The following AK5 variants were observed in gnomAD, a reference collection of about 807,000 sequenced individuals.
AK5 encodes the protein adenylate kinase 5.
A neutral mutation model predicts 69.5 loss-of-function variants in AK5; 27 were observed. The ratio of observed to expected loss-of-function variants is 0.39; its 90% CI spans 0.29 to 0.54. The LOEUF (loss-of-function observed/expected upper bound fraction) is 0.54, where lower values mean the gene tolerates loss of function less well. Ranked by LOEUF, AK5 falls within the 20% of genes least tolerant of loss-of-function variation. The pLI is 0.71. For synonymous variants in AK5, 260 were observed against 244.4 expected (o/e 1.06, Z -0.60); for missense variants, 531 against 700.4 (o/e 0.76, Z 2.73).
chr1:77,461,769 CAA>C (rs960152262), intron 8 of AK5, among the ~76,000 whole-genome samples: 49 of 83,816 alleles, frequency 5.8e-4, no homozygotes, highest in Admixed American at 6.5e-4. Context: ...GACTCTGTCT[CAA>C]AAAAAAAAAA....
At chr1:77,379,523 G>T (rs1049233971) in intron 6 of AK5, among the ~76,000 whole-genome samples, 1 of 152,160 alleles carries the variant, frequency 6.6e-6, no homozygotes, top group African/African-American at 2.4e-5. Flanking sequence ...AGTAACCCAG[G>T]TAACCTTCAT....
chr1:77,302,343 A>G (rs1659388913), intron 5 of AK5, among the ~76,000 whole-genome samples: 1 of 152,224 alleles, frequency 6.6e-6, no homozygotes, highest in African/African-American at 2.4e-5. Flanking sequence ...GCTAGTAACT[A>G]TATCATAAGT....
At chr1:77,320,908 G>A (rs779467805) in intron 5 of AK5, among the ~76,000 whole-genome samples, 2 of 152,164 alleles carry the variant, frequency 1.3e-5, no homozygotes, top group Admixed American at 1.3e-4. Context: ...TTATAAATGT[G>A]TATATACCTA....
chr1:77,287,716 G>A (rs575568481), intron 2 of AK5, among the ~76,000 whole-genome samples: 3 of 152,330 alleles, frequency 2.0e-5, no homozygotes, highest in South Asian at 4.2e-4. Context: ...CAGCCACGTG[G>A]TGGAAGAAGA....
Position 77,411,066 on chromosome 1 carries a change from C to G in AK5, c.977C>G (p.Ala326Gly). ...AAGTTATTTCCAAACAAAGAGGCTGCAGCAGGTAAGTCACTGTGTCCTTTA... is the reference window on the plus strand; with the variant it reads ...AAGTTATTTCCAAACAAAGAGGCTGGAGCAGGTAAGTCACTGTGTCCTTTA... The part of the protein sequence containing the change: ...DNKLFPNKEA[A>G]AGSSDLDPSM... Residue 326 changes from alanine (A) to glycine (G), a missense_variant, in exon 7 of 14, where the codon GCA (alanine) becomes GGA (glycine). By Grantham distance (60) the Ala-to-Gly change is moderately conservative. Transcript: ENST00000354567. 6.2e-7 allele frequency: 1 copy of G among 1,613,010 alleles called. No individual in the cohort carries two copies. The highest frequency in any genetic ancestry group is 8.5e-7 in the Non-Finnish European group (1 of 1,179,550).
chr1:77,479,667 T>G (rs2100715077), intron 8 of AK5, among the ~76,000 whole-genome samples: 1 of 152,292 alleles, frequency 6.6e-6, no homozygotes, highest in South Asian at 2.1e-4. Context: ...TCTCTCTCTT[T>G]GTCAGTTCAG....
At chr1:77,410,033 G>A (rs1006400546) in intron 6 of AK5, among the ~76,000 whole-genome samples, 7 of 151,902 alleles carry the variant, frequency 4.6e-5, no homozygotes, top group Non-Finnish European at 7.4e-5. Context: ...TCATAGTAAA[G>A]CTATTTTTAA....
chr1:77,321,258 G>A (rs1237040777), intron 5 of AK5, among the ~76,000 whole-genome samples: 3 of 152,114 alleles, frequency 2.0e-5, no homozygotes, highest in African/African-American at 7.2e-5. Context: ...GATCACCTGA[G>A]GTCAGGAGTT....
chr1:77,380,997 A>G (rs1326159057), intron 6 of AK5, among the ~76,000 whole-genome samples: 1 of 152,196 alleles, frequency 6.6e-6, no homozygotes, highest in Non-Finnish European at 1.5e-5. Context: ...AATACTGTTA[A>G]TGCTTTAAGC....
chr1:77,477,576 A>G (rs79974079), intron 8 of AK5, among the ~76,000 whole-genome samples: 1,573 of 152,334 alleles, frequency 0.01, 35 homozygotes, highest in East Asian at 0.079. Flanking sequence ...GTACTCATTG[A>G]GGTAAGAAAA....
intron 10 of AK5, among the ~76,000 whole-genome samples, chr1:77,503,576 C>G (rs1357896514): frequency 3.9e-5 from 6 of 152,072 alleles, no homozygotes; most frequent in Admixed American, 3.3e-4. Context: ...CTGATTAAGA[C>G]TGGATAGATT....
chr1:77,483,264 T>C, intron 8 of AK5, 53 bp from the exon 9 acceptor site: 3 of 1,400,138 alleles, frequency 2.1e-6, no homozygotes, highest in Non-Finnish European at 3.0e-6. Flanking sequence ...TGCCAAGGAG[T>C]TCAGCAAAAT....
intron 6 of AK5, among the ~76,000 whole-genome samples, chr1:77,343,117 T>C (rs1661740182): frequency 6.6e-6 from 1 of 152,244 alleles, no homozygotes; most frequent in Admixed American, 6.5e-5. Flanking sequence ...TTATGTGTTA[T>C]AATTGTGATG....
chr1:77,288,296 G>A (rs542992373), intron 2 of AK5, among the ~76,000 whole-genome samples: 1 of 152,318 alleles, frequency 6.6e-6, no homozygotes, highest in African/African-American at 2.4e-5. Flanking sequence ...ACGTATAATA[G>A]TATGTGCAAA....
intron 5 of AK5, among the ~76,000 whole-genome samples, chr1:77,320,418 A>C (rs1300375737): frequency 6.6e-6 from 1 of 152,178 alleles, no homozygotes; most frequent in Non-Finnish European, 1.5e-5. Flanking sequence ...GACACTTTTT[A>C]AACAATTAAA....
chr1:77,475,347 T>C (rs1166390419), intron 8 of AK5, among the ~76,000 whole-genome samples: 9 of 127,282 alleles, frequency 7.1e-5, no homozygotes, highest in Admixed American at 1.9e-4. Context: ...TGTATATATA[T>C]ACATATATAT....
chr1:77,467,309 G>GACTA (rs2100688001), intron 8 of AK5, among the ~76,000 whole-genome samples: 1 of 152,156 alleles, frequency 6.6e-6, no homozygotes, highest in Admixed American at 6.5e-5. Flanking sequence ...CTCCTTCATG[G>GACTA]GTTTCTGTGA....
intron 8 of AK5, among the ~76,000 whole-genome samples, chr1:77,423,218 CTAAAAAAAAAAA>C (rs150413772): frequency 0.34 from 9,380 of 27,870 alleles, 549 homozygotes; most frequent in East Asian, 0.45. Flanking sequence ...AAGACTCCGT[CTAAAAAAAAAAA>C]TAAAAAAAAA....
intron 6 of AK5, among the ~76,000 whole-genome samples, chr1:77,347,671 G>A (rs995597007): frequency 6.6e-6 from 1 of 152,114 alleles, no homozygotes; most frequent in Non-Finnish European, 1.5e-5. Flanking sequence ...AAAGCACAAA[G>A]ATAAAGCCAT....
Sources: gnomAD v4.1 joint callset for allele counts (sites outside exome capture counted in the v4.1 genomes callset) on GRCh38, gnomAD v4.1.1 for gene constraint, MANE v1.5 for transcripts, NCBI Gene and HGNC (gene_info 2026-07-23, HGNC 2026-07-21) for gene names.